SERPINE2: variants seen among roughly 807,000 people sequenced by gnomAD.
SERPINE2 encodes the protein glia-derived nexin.
In SERPINE2, 14 loss-of-function variants were observed where a neutral mutation model predicts 36.3. The observed-to-expected ratio is 0.39, with a 90% CI of 0.25 to 0.60. The LOEUF (loss-of-function observed/expected upper bound fraction) is 0.60, where lower values mean the gene tolerates loss of function less well. Ranked by LOEUF, SERPINE2 falls within the 20% of genes least tolerant of loss-of-function variation. The pLI, the probability that SERPINE2 is intolerant of heterozygous loss-of-function variation, is 0.57. For missense variants in SERPINE2, 418 were observed against 499.6 expected, an observed-to-expected ratio of 0.84 and a Z score of 1.56; for synonymous variants, 192 against 191.8, an observed-to-expected ratio of 1.00 and a Z score of -0.01.
chr2:224,019,555 C>CCATGGCACCCCAGCCTCCAG (rs1236817161), intron 1 of SERPINE2, among the ~76,000 whole-genome samples: 12 of 87,988 alleles, frequency 1.4e-4, no homozygotes, highest in African/African-American at 1.9e-4. Flanking sequence ...ATCCTGTTCA[C>CCATGGCACCCCAGCCTCCAG]CATGGCACCC....
intron 1 of SERPINE2, among the ~76,000 whole-genome samples, chr2:224,033,555 T>G (rs1456229378): frequency 3.3e-5 from 5 of 151,984 alleles, no homozygotes; most frequent in African/African-American, 1.2e-4. Context: ...GAAACTGAGT[T>G]CTAGATGGTA....
At chr2:223,998,418 G>A (rs1337238649) in intron 2 of SERPINE2, 76 bp from the exon 3 acceptor site, 9 of 1,186,952 alleles carry the variant, frequency 7.6e-6, no homozygotes, top group Non-Finnish European at 1.1e-5. Context: ...TTATGTTGCA[G>A]CAAGTAAGAA....
intron 8 of SERPINE2, 21 bp downstream of exon 8, chr2:223,977,523 T>C (rs372325019): frequency 2.3e-5 from 35 of 1,492,290 alleles, no homozygotes; most frequent in Non-Finnish European, 3.2e-5. Flanking sequence ...GAGGGCATGA[T>C]GGAAGAGGAG....
intron 4 of SERPINE2, among the ~76,000 whole-genome samples, chr2:223,986,856 C>G (rs543417594): frequency 7.9e-5 from 12 of 152,210 alleles, no homozygotes; most frequent in African/African-American, 2.9e-4. Context: ...GATTTCCCCC[C>G]ACTCCTTCTG....
At chr2:224,028,084 C>T (rs1025175528) in intron 1 of SERPINE2, among the ~76,000 whole-genome samples, 6 of 152,264 alleles carry the variant, frequency 3.9e-5, no homozygotes, top group Middle Eastern at 3.4e-3. Context: ...TTATGTGGGC[C>T]GCTAAGGGCT....
intron 1 of SERPINE2, among the ~76,000 whole-genome samples, chr2:224,006,589 T>C (rs900185972): frequency 3.3e-5 from 5 of 152,190 alleles, no homozygotes; most frequent in Non-Finnish European, 7.3e-5. Flanking sequence ...GCAAGTAGAC[T>C]GGAAGCTCAC....
intron 3 of SERPINE2, 96 bp downstream of exon 3, chr2:223,998,019 T>C (rs551832424): frequency 2.6e-5 from 25 of 957,242 alleles, no homozygotes; most frequent in South Asian, 1.3e-4. Context: ...CCACAGGCCA[T>C]TGAATTGGAC....
rs551808510 is a variant in SERPINE2 at position 223,983,724 on chromosome 2, A to G, written c.885-943T>C. Among the ~76,000 whole-genome samples the G allele has an allele frequency of 1.5e-4, 14 of 91,538 alleles. 1 individual carries two copies. In the South Asian group the frequency reaches 6.1e-3, roughly 40 times the overall value. 60.1% of individuals were successfully genotyped at this position (91,538 alleles called of 152,430 possible). ...CACACACACACACACACACGTATATATATGTGTGTATATGTGTGTGTGTGT... is the reference window on the plus strand; with the variant it reads ...CACACACACACACACACACGTATATGTATGTGTGTATATGTGTGTGTGTGT... On this transcript the variant is annotated intron_variant, in intron 5 of 8. Transcript: ENST00000409304.
intron 1 of SERPINE2, among the ~76,000 whole-genome samples, chr2:224,028,972 T>C (rs916397178): frequency 3.3e-5 from 5 of 152,226 alleles, no homozygotes; most frequent in Admixed American, 6.5e-5. Context: ...GGCTAAGAAG[T>C]GACATATGCA....
chr2:224,037,062 G>A (rs1456471110), intron 1 of SERPINE2, among the ~76,000 whole-genome samples: 1 of 152,142 alleles, frequency 6.6e-6, no homozygotes, highest in Non-Finnish European at 1.5e-5. Flanking sequence ...AACATATTAT[G>A]TTTGCTTTTA....
At chr2:223,993,886 C>T (rs763683251) in intron 3 of SERPINE2, among the ~76,000 whole-genome samples, 13 of 152,164 alleles carry the variant, frequency 8.5e-5, no homozygotes, top group Non-Finnish European at 1.3e-4. Context: ...TCATTCAACT[C>T]AACACAAAGC....
chr2:224,008,272 G>A (rs891096254), intron 1 of SERPINE2, among the ~76,000 whole-genome samples: 1 of 152,136 alleles, frequency 6.6e-6, no homozygotes, highest in Non-Finnish European at 1.5e-5. Flanking sequence ...CCAAATGTGG[G>A]TGCTGTTATA....
intron 3 of SERPINE2, among the ~76,000 whole-genome samples, chr2:223,994,812 T>G (rs1325710935): frequency 6.6e-6 from 1 of 152,204 alleles, no homozygotes; most frequent in Non-Finnish European, 1.5e-5. Context: ...CTATGTATTA[T>G]TCACATCCTC....
chr2:224,001,980 T>C (rs1691193396), intron 1 of SERPINE2, 58 bp from the exon 2 acceptor site: 4 of 1,362,410 alleles, frequency 2.9e-6, no homozygotes, highest in East Asian at 2.8e-5. Flanking sequence ...TTTACTACTT[T>C]TTTTTTTTTT....
Position 224,001,749 on chromosome 2 carries a change from A to T in SERPINE2, c.152T>A (p.Ile51Asn), listed in dbSNP as rs1325321167. The part of the protein sequence containing the change: ...QIVKSRPHDN[I>N]VISPHGIASV... ...CGCAATCCCATGGGGAGAGATCACGATGTTGTCATGAGGCCTCGACTTCAC... is the reference window on the plus strand; with the variant it reads ...CGCAATCCCATGGGGAGAGATCACGTTGTTGTCATGAGGCCTCGACTTCAC... The change falls in exon 2 of 9, where the codon ATC becomes AAC. Residue 51 changes from isoleucine (I) to asparagine (N), a missense_variant. Coordinates refer to ENST00000409304, the MANE Select transcript of SERPINE2 (RefSeq NM_001136528.2). The T allele has an allele frequency of 6.2e-7, 1 of 1,614,118 alleles. No individual in the cohort carries two copies. The highest frequency in any genetic ancestry group is 1.1e-5 in the South Asian group (1 of 91,080).
At chr2:223,990,977 C>T (rs1690642413) in intron 4 of SERPINE2, among the ~76,000 whole-genome samples, 2 of 152,040 alleles carry the variant, frequency 1.3e-5, no homozygotes, top group South Asian at 2.1e-4. Flanking sequence ...GACTCTATCT[C>T]GAAAAAGTTT....
intron 1 of SERPINE2, among the ~76,000 whole-genome samples, chr2:224,005,911 T>G (rs1485663848): frequency 6.6e-6 from 1 of 152,154 alleles, no homozygotes; most frequent in Non-Finnish European, 1.5e-5. Context: ...GGCATATCCT[T>G]CCAAATGCCA....
At chr2:223,997,971 G>C (rs1176649102) in intron 3 of SERPINE2, 144 bp downstream of exon 3, 5 of 662,230 alleles carry the variant, frequency 7.6e-6, no homozygotes, top group Non-Finnish European at 1.3e-5. Context: ...GAAGGAGGGA[G>C]ACTGAATAGA....
intron 5 of SERPINE2, among the ~76,000 whole-genome samples, chr2:223,983,370 C>A (rs1029811605): frequency 8.5e-5 from 13 of 152,182 alleles, no homozygotes; most frequent in Non-Finnish European, 1.5e-4. Flanking sequence ...TCTCCCGCCT[C>A]AGCCTCCCAA....
Sources: allele counts gnomAD v4.1 joint callset (sites outside exome capture counted in the v4.1 genomes callset), GRCh38; gene constraint gnomAD v4.1.1; transcripts MANE v1.5; gene names NCBI Gene and HGNC (gene_info 2026-07-23, HGNC 2026-07-21).